The following CEP350 variants were observed in gnomAD, a reference collection of about 807,000 sequenced individuals.
CEP350 encodes the protein centrosomal protein 350, also known as centrosome-associated protein 350.
CEP350 carries 126 observed loss-of-function variants against 331.8 expected under a neutral mutation model. The ratio of observed to expected loss-of-function variants is 0.38; its 90% confidence interval spans 0.33 to 0.44. The LOEUF is 0.44. CEP350 is among the 20% of genes least tolerant of loss of function. The probability of loss-of-function intolerance (pLI) is 1.00; values close to 1 mark genes in which losing one functional copy is unlikely to be tolerated. For missense variants in CEP350, 3,406 were observed against 3,634.6 expected (o/e 0.94, Z 1.62); for synonymous variants, 1,200 against 1,259.5 (o/e 0.95, Z 1.00).
intron 7 of CEP350, among the ~76,000 whole-genome samples, chr1:180,004,557 CA>C (rs35587111): frequency 3.2e-4 from 48 of 152,188 alleles, no homozygotes; most frequent in Non-Finnish European, 4.9e-4. Flanking sequence ...AGCAAAACTG[CA>C]AAAAGTTGCC....
At chr1:180,091,615 G>C (rs1008679466) in intron 33 of CEP350, among the ~76,000 whole-genome samples, 1 of 152,126 alleles carries the variant, frequency 6.6e-6, no homozygotes, top group Non-Finnish European at 1.5e-5. Context: ...CAGGTCACTT[G>C]AGCTCAGGAG....
chr1:180,002,060 A>G (rs1414134220), intron 6 of CEP350, among the ~76,000 whole-genome samples: 1 of 152,232 alleles, frequency 6.6e-6, no homozygotes, highest in Non-Finnish European at 1.5e-5. Context: ...CAAAACCACA[A>G]TGAGATACTA....
At chr1:180,094,708 T>C in intron 34 of CEP350, 92 bp downstream of exon 34, 1 of 1,334,574 alleles carries the variant, frequency 7.5e-7, no homozygotes, top group South Asian at 1.6e-5. Context: ...TTTAATTCTG[T>C]GACTCCTGAT....
At chr1:179,982,251 C>A (rs1652327352) in intron 1 of CEP350, among the ~76,000 whole-genome samples, 1 of 152,200 alleles carries the variant, frequency 6.6e-6, no homozygotes, top group African/African-American at 2.4e-5. Flanking sequence ...ATCCTCACTT[C>A]TAGCACTATA....
intron 28 of CEP350, among the ~76,000 whole-genome samples, chr1:180,076,748 C>T (rs1264037376): frequency 6.6e-6 from 1 of 152,070 alleles, no homozygotes; most frequent in Non-Finnish European, 1.5e-5. Context: ...AAGATCATAC[C>T]ACTGCACTCC....
At chr1:180,096,259 G>A in intron 36 of CEP350, 75 bp downstream of exon 36, 2 of 1,459,456 alleles carry the variant, frequency 1.4e-6, no homozygotes, top group South Asian at 2.8e-5. Context: ...TGTTGTAAAA[G>A]CAGGTGCTCT....
At chr1:179,972,669 C>T (rs571358703) in intron 1 of CEP350, among the ~76,000 whole-genome samples, 13 of 150,244 alleles carry the variant, frequency 8.7e-5, no homozygotes, top group Middle Eastern at 7.3e-3. Context: ...CACACCCTGC[C>T]GAAAAGAGTG....
At chr1:179,956,428 C>T (rs1650173886) in intron 1 of CEP350, among the ~76,000 whole-genome samples, 1 of 152,026 alleles carries the variant, frequency 6.6e-6, no homozygotes, top group Admixed American at 6.6e-5. Context: ...AAATTTCATA[C>T]GTATGTGAAC....
intron 27 of CEP350, among the ~76,000 whole-genome samples, chr1:180,067,160 A>G (rs1468686402): frequency 6.6e-6 from 1 of 152,288 alleles, no homozygotes; most frequent in African/African-American, 2.4e-5. Context: ...CTTTGTTCCA[A>G]ATTTTGTTAA....
In CEP350 at chr1:180,014,135, A is replaced by G. The variant is rs1654826266; in HGVS notation, c.1682A>G (p.His561Arg). 3 of 1,609,932 alleles carry G rather than the reference A, an allele frequency of 1.9e-6. No homozygotes were observed. The highest frequency in any genetic ancestry group is 1.1e-5 in the South Asian group (1 of 90,240). Residue 561 changes from histidine (H) to arginine (R), a missense_variant, in exon 10 of 38, where the codon CAT (histidine) becomes CGT (arginine). By Grantham distance (29) the His-to-Arg change is conservative (BLOSUM62 0). Transcript: ENST00000367607. ...AACCAGAAGTCATCAGCACCAGTAC[A>G]TGCTCCTAGGAGTCACAGCCCAGTA... ...LQNQKSSAPV[H>R]APRSHSPVKR...
intron 27 of CEP350, among the ~76,000 whole-genome samples, chr1:180,072,460 G>C (rs916150305): frequency 2.0e-5 from 3 of 152,116 alleles, no homozygotes; most frequent in Admixed American, 1.3e-4. Flanking sequence ...TAGATTTTTT[G>C]AGCCTTTTGC....
chr1:180,075,641 A>T (rs1374381279), intron 28 of CEP350, among the ~76,000 whole-genome samples: 1 of 151,930 alleles, frequency 6.6e-6, no homozygotes, highest in African/African-American at 2.4e-5. Context: ...TATAACCACA[A>T]ATGCTGGAGA....
chr1:180,008,041 T>A (rs1654378845), intron 8 of CEP350, among the ~76,000 whole-genome samples: 1 of 152,186 alleles, frequency 6.6e-6, no homozygotes, highest in Non-Finnish European at 1.5e-5. Context: ...ATTTTTAATA[T>A]AAGTTAACCA....
chr1:179,965,409 C>T (rs1326274118), intron 1 of CEP350, among the ~76,000 whole-genome samples: 3 of 151,914 alleles, frequency 2.0e-5, no homozygotes, highest in South Asian at 2.1e-4. Flanking sequence ...CTGTTAGGTC[C>T]GTTTGGTCAA....
chr1:179,996,576 A>G lies in CEP350; in HGVS notation c.419A>G (p.Asn140Ser), dbSNP rs1253374529. Residue 140 changes from asparagine (N) to serine (S), a missense_variant, in exon 6 of 38, where the codon AAT (asparagine) becomes AGT (serine). Transcript: ENST00000367607. Reference protein sequence around the residue: ...SYREIHGAPSNFSSSHLESKH... With the variant: ...SYREIHGAPSSFSSSHLESKH... ...AGGGAAATCCATGGTGCACCTTCCA[A>G]TTTCAGTTCCAGCCATCTGGAATCA... 1.3e-6 allele frequency: 2 copies of G among 1,571,090 alleles called. No homozygotes were observed. The highest frequency in any genetic ancestry group is 1.7e-6 in the Non-Finnish European group (2 of 1,156,496).
At chr1:180,064,643 A>G (rs1658434636) in intron 26 of CEP350, among the ~76,000 whole-genome samples, 1 of 152,206 alleles carries the variant, frequency 6.6e-6, no homozygotes, top group African/African-American at 2.4e-5. Flanking sequence ...ACTGTTTTGC[A>G]TAAGGAATAT....
rs1180845330 is a variant in CEP350, at chr1:179,987,287, G to A, written c.120+1G>A. The stretch of plus-strand genomic sequence containing the variant: ...TGCACTTTCTCAAACCAAGGCTGCT[G>A]TAAGTAGTTTTAGCTTCCATTTATT... On this transcript the variant is annotated splice_donor_variant, in intron 3 of 37. Coordinates refer to ENST00000367607, the MANE Select transcript of CEP350 (RefSeq NM_014810.5). LOFTEE classifies it high-confidence loss of function. 6.5e-7 allele frequency: 1 copy of A among 1,536,714 alleles called. No individual in the cohort carries two copies. The highest frequency in any genetic ancestry group is 9.0e-7 in the Non-Finnish European group (1 of 1,117,058).
Position 180,095,783 on chromosome 1 carries a change from G to C in CEP350, c.8772G>C (p.Glu2924Asp). Residue 2924 changes from glutamate (E) to aspartate (D), a missense_variant, in exon 35 of 38, where the codon GAG (glutamate) becomes GAC (aspartate). Physicochemically the swap from Glu to Asp is conservative, Grantham distance 45. Around this residue, in one of 5 missense-constraint regions of CEP350, gnomAD observed 1,415 missense variants for 1,512.3 expected, o/e 0.94. Coordinates refer to ENST00000367607, the MANE Select transcript of CEP350 (RefSeq NM_014810.5). The stretch of plus-strand genomic sequence containing the variant: ...TCCCCCATACTGCAGAAGAAGTAGA[G>C]ATTCTTGTACATAATGCAGCAGAAG... ...LAVPHTAEEV[E>D]ILVHNAAEEL... 1 of 1,613,932 alleles carries C rather than the reference G, an allele frequency of 6.2e-7. No individual in the cohort carries two copies. Among genetic ancestry groups the C allele is most frequent in the East Asian group, 2.2e-5 (1 of 44,876 alleles).
At chr1:179,976,138 G>T (rs554830598) in intron 1 of CEP350, among the ~76,000 whole-genome samples, 1 of 152,082 alleles carries the variant, frequency 6.6e-6, no homozygotes, top group Non-Finnish European at 1.5e-5. Context: ...TTACTAGAAT[G>T]TAGGCATATT....
Sources: allele counts gnomAD v4.1 joint callset (sites outside exome capture counted in the v4.1 genomes callset), GRCh38; gene constraint gnomAD v4.1.1; regional missense constraint gnomAD v4.1.1; transcripts MANE v1.5; gene names NCBI Gene and HGNC (gene_info 2026-07-23, HGNC 2026-07-21).